Variants in PCDH15 observed in about 807,000 individuals in gnomAD.
The protein encoded by PCDH15 is protocadherin-15.
In PCDH15, 129 loss-of-function variants were observed where a neutral mutation model predicts 178.5. The ratio of observed to expected loss-of-function variants is 0.72; its 90% CI spans 0.63 to 0.84. The LOEUF is 0.84. Among genes scored for constraint, PCDH15 ranks in the 40% least tolerant of loss-of-function variants. The pLI is 0.00. For synonymous variants in PCDH15, 800 were observed against 732.0 expected, an observed-to-expected ratio of 1.09 and a Z score of -1.50; for missense variants, 2,230 against 2,099.9, an observed-to-expected ratio of 1.06 and a Z score of -1.21.
intron 2 of PCDH15, among the ~76,000 whole-genome samples, chr10:54,589,262 C>T (rs2133909361): frequency 6.6e-6 from 1 of 152,186 alleles, no homozygotes; most frequent in Admixed American, 6.5e-5. Flanking sequence ...TGGTCTTTAT[C>T]AAACACAACA....
chr10:54,548,703 A>G (rs2086177594), intron 2 of PCDH15, among the ~76,000 whole-genome samples: 1 of 149,544 alleles, frequency 6.7e-6, no homozygotes, highest in Non-Finnish European at 1.5e-5. Context: ...TGCTTGGTTC[A>G]ATTTGTTAAT....
chr10:54,532,219 C>T (rs186509584), intron 2 of PCDH15, among the ~76,000 whole-genome samples: 60 of 152,192 alleles, frequency 3.9e-4, no homozygotes, highest in African/African-American at 8.4e-4. Context: ...AAAGAATTTA[C>T]CATTTATTTT....
In PCDH15 at chr10:54,183,454, C is replaced by T. The variant is rs772952665; in HGVS notation, c.1580G>A (p.Ser527Asn). 5.0e-6 allele frequency: 8 copies of T among 1,612,444 alleles called. No individual in the cohort carries two copies. Among genetic ancestry groups the T allele is most frequent in the East Asian group, 4.5e-5 (2 of 44,824 alleles). The change falls in exon 13 of 38, where the codon AGT becomes AAT. Residue 527 changes from serine (S) to asparagine (N), a missense_variant. Transcript: ENST00000644397. ...TATGTGAGTAGTTACCTGTATGACA[C>T]TGTCCCCAGGTCTCATGTCTGTATA... ...YVYTDMRPGDSVIQLTAVDAD... is the reference protein window; with the variant it reads ...YVYTDMRPGDNVIQLTAVDAD...
intron 18 of PCDH15, among the ~76,000 whole-genome samples, chr10:54,063,558 T>G (rs922174637): frequency 1.3e-5 from 2 of 152,192 alleles, no homozygotes; most frequent in South Asian, 4.1e-4. Flanking sequence ...CACTGGATCC[T>G]AAGGGTGTTG....
At chr10:54,886,553 G>A (rs1954361884) in intron 3 of PCDH15, among the ~76,000 whole-genome samples, 1 of 152,210 alleles carries the variant, frequency 6.6e-6, no homozygotes, top group South Asian at 2.1e-4. Context: ...CTTGAGGTCA[G>A]GAGTTTGAGA....
At chr10:54,159,849 G>T (rs1207097207) in intron 13 of PCDH15, among the ~76,000 whole-genome samples, 1 of 152,036 alleles carries the variant, frequency 6.6e-6, no homozygotes, top group African/African-American at 2.4e-5. Flanking sequence ...TCGATTTCAG[G>T]GAAATATTTA....
chr10:54,113,275 A>G (rs1409748192), intron 15 of PCDH15, among the ~76,000 whole-genome samples: 1 of 152,220 alleles, frequency 6.6e-6, no homozygotes, highest in Non-Finnish European at 1.5e-5. Context: ...TGTAGTACAG[A>G]GGCAGATACT....
intron 3 of PCDH15, among the ~76,000 whole-genome samples, chr10:54,879,181 T>TG (rs1379729335): frequency 2.3e-4 from 21 of 89,636 alleles, no homozygotes; most frequent in African/African-American, 1.2e-3. Context: ...CCACGTGCTG[T>TG]TTGTGTGTGT....
chr10:54,212,347 A>C (rs1189137153), intron 10 of PCDH15, among the ~76,000 whole-genome samples: 1 of 152,048 alleles, frequency 6.6e-6, no homozygotes, highest in Admixed American at 6.6e-5. Flanking sequence ...CCAAACCCTT[A>C]ATAAATGAAA....
intron 8 of PCDH15, among the ~76,000 whole-genome samples, chr10:54,297,946 G>A (rs2059904083): frequency 6.6e-6 from 1 of 152,184 alleles, no homozygotes; most frequent in South Asian, 2.1e-4. Flanking sequence ...GTAAATGATA[G>A]AATGACAGCT....
chr10:53,865,164 T>C (rs530239463), intron 27 of PCDH15, among the ~76,000 whole-genome samples: 1 of 152,280 alleles, frequency 6.6e-6, no homozygotes, highest in South Asian at 2.1e-4. Context: ...ATAATCAGCA[T>C]GGATATAGGT....
chr10:54,378,843 A>G lies in PCDH15; in HGVS notation c.257T>C (p.Leu86Ser). 6.2e-7 allele frequency: 1 copy of G among 1,613,946 alleles called. No homozygotes were observed. The highest frequency in any genetic ancestry group is 1.1e-5 in the South Asian group (1 of 91,086). Reference sequence around the variant, plus strand: ...AAGCATTTGCTTAACAGGATCCATCAACACCCAGTAATCCACATTATCCTT... The same window carrying G: ...AAGCATTTGCTTAACAGGATCCATCGACACCCAGTAATCCACATTATCCTT... ...SLKDNVDYWV[L>S]MDPVKQMLFL... The change falls in exon 4 of 38, where the codon TTG (leucine) becomes TCG (serine). Residue 86 changes from leucine to serine, a missense_variant. Leu to Ser is a moderately radical substitution (Grantham distance 145, BLOSUM62 -2). Coordinates refer to ENST00000644397, the MANE Select transcript of PCDH15 (RefSeq NM_001384140.1).
chr10:53,849,044 A>T (rs2132894693), intron 28 of PCDH15, among the ~76,000 whole-genome samples: 1 of 152,222 alleles, frequency 6.6e-6, no homozygotes, highest in South Asian at 2.1e-4. Flanking sequence ...TTTCACCTAA[A>T]AGCAAAATGA....
intron 15 of PCDH15, among the ~76,000 whole-genome samples, chr10:54,114,154 A>AT (rs112960055): frequency 4.0e-4 from 61 of 152,140 alleles, no homozygotes; most frequent in African/African-American, 1.2e-3. Flanking sequence ...CTTTTTAAAT[A>AT]TTTTTTTATT....
chr10:55,627,036 CAGAA>C (rs1837543223), intron 2 of PCDH15, among the ~76,000 whole-genome samples: 1 of 151,936 alleles, frequency 6.6e-6, no homozygotes, highest in Admixed American at 6.6e-5. Flanking sequence ...AAGTGAGAGA[CAGAA>C]AGAGAGCTAG....
chr10:55,555,670 CTT>C (rs1233272449), intron 2 of PCDH15, among the ~76,000 whole-genome samples: 2 of 152,038 alleles, frequency 1.3e-5, no homozygotes, highest in African/African-American at 4.8e-5. Flanking sequence ...AATATCCTAT[CTT>C]TGAACTTCTG....
intron 3 of PCDH15, among the ~76,000 whole-genome samples, chr10:54,527,438 G>A (rs565138060): frequency 3.9e-5 from 6 of 152,096 alleles, no homozygotes; most frequent in Non-Finnish European, 7.4e-5. Context: ...GCCAATAGAA[G>A]TTAGCAATGT....
intron 2 of PCDH15, among the ~76,000 whole-genome samples, chr10:54,911,085 G>A (rs1011553929): frequency 3.3e-5 from 5 of 152,194 alleles, no homozygotes; most frequent in East Asian, 1.9e-4. Flanking sequence ...TGAAATATCC[G>A]CCCTAGTACC....
chr10:54,524,281 T>G (rs949137275), intron 3 of PCDH15, among the ~76,000 whole-genome samples: 4 of 152,246 alleles, frequency 2.6e-5, no homozygotes, highest in Admixed American at 1.3e-4. Context: ...TCCTTCAGGG[T>G]GGGTTTTCTA....
Sources: gnomAD v4.1 joint callset for allele counts (sites outside exome capture counted in the v4.1 genomes callset) on GRCh38, gnomAD v4.1.1 for gene constraint, MANE v1.5 for transcripts, NCBI Gene and HGNC (gene_info 2026-07-23, HGNC 2026-07-21) for gene names.